EIF4G3: variants seen among roughly 807,000 people sequenced by gnomAD.
EIF4G3 encodes the protein eIF-4-gamma 3.
EIF4G3 carries 34 observed loss-of-function variants against 186.4 expected under a neutral mutation model. The ratio of observed to expected loss-of-function variants is 0.18; its 90% CI spans 0.14 to 0.24. The LOEUF (loss-of-function observed/expected upper bound fraction) is 0.24, where lower values mean the gene tolerates loss of function less well. Ranked by LOEUF, EIF4G3 falls within the 10% of genes least tolerant of loss-of-function variation. The probability of loss-of-function intolerance (pLI) is 1.00; values close to 1 mark genes in which losing one functional copy is unlikely to be tolerated. For missense variants in EIF4G3, 1,536 were observed against 1,948.5 expected, an observed-to-expected ratio of 0.79 and a Z score of 3.99; for synonymous variants, 673 against 679.5, an observed-to-expected ratio of 0.99 and a Z score of 0.15.
chr1:20,832,510 C>T (rs945628106), intron 30 of EIF4G3, among the ~76,000 whole-genome samples: 1 of 143,368 alleles, frequency 7.0e-6, no homozygotes, highest in African/African-American at 2.6e-5. Flanking sequence ...TGGATATTAG[C>T]CCCTTTGTCA....
chr1:20,994,265 C>T (rs1258611940), intron 7 of EIF4G3, among the ~76,000 whole-genome samples: 6 of 152,154 alleles, frequency 3.9e-5, no homozygotes, highest in Admixed American at 2.6e-4. Flanking sequence ...TGCAAAATAG[C>T]AAACTCTTTC....
intron 19 of EIF4G3, among the ~76,000 whole-genome samples, chr1:20,884,563 G>C (rs866047247): frequency 1.7e-4 from 26 of 152,180 alleles, no homozygotes; most frequent in Admixed American, 1.4e-3. Flanking sequence ...ACGGAGATTG[G>C]AGAGAAGGAC....
chr1:20,886,167 T>C, intron 19 of EIF4G3, 34 bp downstream of exon 19: 1 of 1,574,382 alleles, frequency 6.4e-7, no homozygotes. Context: ...CAATATAATT[T>C]CAAAAGAATG....
intron 10 of EIF4G3, among the ~76,000 whole-genome samples, chr1:20,973,717 G>C (rs1487296525): frequency 6.6e-6 from 1 of 152,130 alleles, no homozygotes; most frequent in Non-Finnish European, 1.5e-5. Flanking sequence ...CCACATCTTT[G>C]TTCTAGCTAT....
At position 21,176,792 on chromosome 1, in the gene EIF4G3, C is replaced by T. The variant is rs1027059136; in HGVS notation, c.-526G>A. ...CCCCCTCCCCGGAGGAAGCGGCGCC[C>T]TTCTCGGTAGCGGGGCTCAGGCGAT... On this transcript the variant is annotated 5_prime_UTR_variant, in exon 1 of 37. Coordinates refer to ENST00000602326, the MANE Select transcript of EIF4G3 (RefSeq NM_001391906.1). 2 of 700,570 alleles carry T rather than the reference C, an allele frequency of 2.9e-6. No homozygotes were observed. Among genetic ancestry groups the T allele is most frequent in the Non-Finnish European group, 2.6e-6 (1 of 383,782 alleles). 43.4% of individuals were successfully genotyped at this position (700,570 alleles called of 1,614,324 possible).
intron 14 of EIF4G3, among the ~76,000 whole-genome samples, chr1:20,939,223 T>C (rs2095624206): frequency 6.6e-6 from 1 of 151,060 alleles, no homozygotes. Flanking sequence ...AACTTGTAAT[T>C]CCCTTAAACA....
chr1:20,996,210 C>T (rs1204375074), intron 7 of EIF4G3, among the ~76,000 whole-genome samples: 2 of 152,164 alleles, frequency 1.3e-5, no homozygotes, highest in African/African-American at 4.8e-5. Flanking sequence ...ATAGTTTCAA[C>T]ATGGTATTAC....
At chr1:21,009,814 C>T (rs1232004351) in intron 4 of EIF4G3, among the ~76,000 whole-genome samples, 2 of 151,982 alleles carry the variant, frequency 1.3e-5, no homozygotes, top group African/African-American at 4.8e-5. Context: ...GCCACCACAC[C>T]CTGCTAATTT....
chr1:21,091,579 A>T (rs1572403438), intron 2 of EIF4G3, among the ~76,000 whole-genome samples: 1 of 151,306 alleles, frequency 6.6e-6, no homozygotes. Flanking sequence ...TGCCTCTATT[A>T]AAAAAAAATT....
At chr1:20,928,965 A>G (rs1378088040) in intron 14 of EIF4G3, among the ~76,000 whole-genome samples, 1 of 152,144 alleles carries the variant, frequency 6.6e-6, no homozygotes, top group Non-Finnish European at 1.5e-5. Flanking sequence ...CTGACATTTC[A>G]TACAAATGGA....
chr1:20,864,858 A>G (rs2077208965), intron 21 of EIF4G3, 146 bp from the exon 22 acceptor site: 3 of 864,098 alleles, frequency 3.5e-6, no homozygotes. Flanking sequence ...ATACCCATCC[A>G]TTTCAGATTT....
At chr1:21,033,680 T>G (rs551873064) in intron 4 of EIF4G3, among the ~76,000 whole-genome samples, 1 of 152,238 alleles carries the variant, frequency 6.6e-6, no homozygotes, top group Non-Finnish European at 1.5e-5. Flanking sequence ...CTTTATGTAA[T>G]GCAGCCTTTA....
chr1:21,107,589 T>C (rs1488796298), intron 2 of EIF4G3, among the ~76,000 whole-genome samples: 1 of 152,244 alleles, frequency 6.6e-6, no homozygotes, highest in East Asian at 1.9e-4. Flanking sequence ...ATAATCTTAA[T>C]AGGTCTGTCC....
chr1:21,142,548 T>C (rs376411629), intron 2 of EIF4G3, among the ~76,000 whole-genome samples: 1 of 151,910 alleles, frequency 6.6e-6, no homozygotes, highest in Non-Finnish European at 1.5e-5. Context: ...CTAGAATACA[T>C]GCAACAAAGC....
intron 2 of EIF4G3, among the ~76,000 whole-genome samples, chr1:21,098,463 C>T (rs2096432966): frequency 6.9e-6 from 1 of 144,616 alleles, no homozygotes; most frequent in Non-Finnish European, 1.5e-5. Context: ...CACCTGAGCT[C>T]AGGAGGTGGA....
At chr1:21,095,284 T>C (rs2096335703) in intron 2 of EIF4G3, among the ~76,000 whole-genome samples, 1 of 152,188 alleles carries the variant, frequency 6.6e-6, no homozygotes, top group African/African-American at 2.4e-5. Context: ...TATACTATTC[T>C]TTATCATTGA....
chr1:21,028,158 T>C (rs2092368874), intron 4 of EIF4G3, among the ~76,000 whole-genome samples: 1 of 152,206 alleles, frequency 6.6e-6, no homozygotes, highest in African/African-American at 2.4e-5. Context: ...TATTGTTTAA[T>C]GGGTATAGAC....
At chr1:20,991,382 A>G (rs1437517045) in intron 7 of EIF4G3, among the ~76,000 whole-genome samples, 2 of 152,102 alleles carry the variant, frequency 1.3e-5, no homozygotes, top group African/African-American at 4.8e-5. Flanking sequence ...GGCCTGACCA[A>G]CATGGCAAAA....
intron 2 of EIF4G3, among the ~76,000 whole-genome samples, chr1:21,127,659 C>T (rs1489582390): frequency 6.6e-6 from 1 of 152,160 alleles, no homozygotes; most frequent in African/African-American, 2.4e-5. Flanking sequence ...CTCTGGGATT[C>T]AAACAACAAC....
Sources: gnomAD v4.1 joint callset for allele counts (sites outside exome capture counted in the v4.1 genomes callset) on GRCh38, gnomAD v4.1.1 for gene constraint, MANE v1.5 for transcripts, NCBI Gene and HGNC (gene_info 2026-07-23, HGNC 2026-07-21) for gene names.